The following SLC25A1 variants were observed in gnomAD, a reference collection of about 807,000 sequenced individuals.
The protein encoded by SLC25A1 is tricarboxylate transport protein, mitochondrial.
SLC25A1 carries 26 observed loss-of-function variants against 38.1 expected under a neutral mutation model. The observed-to-expected ratio is 0.68, with a 90% CI of 0.50 to 0.95. The LOEUF is 0.95. Among genes scored for constraint, SLC25A1 ranks in the 40% least tolerant of loss-of-function variants. The pLI is 0.00. For missense variants in SLC25A1, 378 were observed against 426.6 expected (o/e 0.89, Z 1.00); for synonymous variants, 211 against 183.2 (o/e 1.15, Z -1.23).
Position 19,176,268 on chromosome 22 carries a change from G to A in SLC25A1, c.822-24C>T, listed in dbSNP as rs2083958248. ...ATCTGGGTGGGAGGAGGGGCGGGGA[G>A]AGGAAGGCAGGTCAGCACAGTGTCC... On this transcript the variant is annotated intron_variant, in intron 8 of 8. Coordinates refer to ENST00000215882, the MANE Select transcript of SLC25A1 (RefSeq NM_005984.5). 1.9e-6 allele frequency: 3 copies of A among 1,592,326 alleles called. No homozygotes were observed. In the South Asian group the frequency reaches 3.3e-5, roughly 18 times the overall value.
intron 6 of SLC25A1, 45 bp from the exon 7 acceptor site, chr22:19,176,738 G>A (rs988542934): frequency 1.3e-6 from 2 of 1,591,798 alleles, no homozygotes; most frequent in Non-Finnish European, 1.7e-6. Context: ...GCCGGGAGGG[G>A]CCTGGATCAG....
intron 5 of SLC25A1, 79 bp from the exon 6 acceptor site, chr22:19,177,029 T>C (rs2083972428): frequency 6.3e-7 from 1 of 1,583,364 alleles, no homozygotes; most frequent in Admixed American, 1.7e-5. Context: ...GGGGTGGGTG[T>C]TGCACAAAGC....
Position 19,178,302 on chromosome 22 carries a change from C to T in SLC25A1, c.95-62G>A. On this transcript the variant is annotated intron_variant, in intron 1 of 8. Coordinates refer to ENST00000215882, the MANE Select transcript of SLC25A1 (RefSeq NM_005984.5). The surrounding 1 kb of genome is among the most constrained non-coding windows in gnomAD (Gnocchi z 4.9). ...CCGGCCGCTGGCGCTCGGGCCCCTC[C>T]CCCGTCCCGGACTTCGGTCGGCGCG... 1 of 1,534,656 alleles carries T rather than the reference C, an allele frequency of 6.5e-7. No individual in the cohort carries two copies. The highest frequency in any genetic ancestry group is 1.4e-5 in the African/African-American group (1 of 70,860).
At position 19,176,623 on chromosome 22, in the gene SLC25A1, A is replaced by T. The variant is rs1362048319; in HGVS notation, c.702T>A (p.Ser234Arg). The change falls in exon 7 of 9, where the codon AGT becomes AGA. Residue 234 changes from serine (S) to arginine (R), a missense_variant. Transcript: ENST00000215882. ...CATCCAGAGGAGTGTTTCCAAAGAC[A>T]CTGGCTGCGCCTGCAATAGCTCCGA... is the stretch of plus-strand genomic sequence containing the variant. ...GVFGAIAGAA[S>R]VFGNTPLDVI... The T allele has an allele frequency of 6.2e-7, 1 of 1,613,830 alleles. No homozygotes were observed. The highest frequency in any genetic ancestry group is 1.3e-5 in the African/African-American group (1 of 74,916).
chr22:19,176,703 G>A lies in SLC25A1; in HGVS notation c.632-10C>T, dbSNP rs373770171. ...TTGTTGGGGTTGTCCCCTGGATATA[G>A]GAGGGGTGAGGTGGGTCAGAGGGTG... is the stretch of plus-strand genomic sequence containing the variant. On this transcript the variant is annotated splice_polypyrimidine_tract_variant and intron_variant, in intron 6 of 8. Transcript: ENST00000215882. 1.8e-5 allele frequency: 29 copies of A among 1,610,572 alleles called. No homozygotes were observed. The highest frequency in any genetic ancestry group is 1.6e-4 in the Middle Eastern group (1 of 6,072).
intron 4 of SLC25A1, 52 bp downstream of exon 4, chr22:19,177,675 C>T: frequency 6.3e-7 from 1 of 1,597,366 alleles, no homozygotes; most frequent in Non-Finnish European, 8.5e-7. Context: ...AGCGGGGCCG[C>T]CCGTCTCCGT....
rs1017082218 is a variant in SLC25A1 at position 19,175,653 on chromosome 22, G to A, written c.*477C>T. ...TGGTGGGTGCCACCCTGTCCGGGGC[G>A]GAGAGAGGGCCCGAGGGCCAGTTAA... On this transcript the variant is annotated 3_prime_UTR_variant, in exon 9 of 9. Coordinates refer to ENST00000215882, the MANE Select transcript of SLC25A1 (RefSeq NM_005984.5). 6 of 215,904 alleles carry A rather than the reference G, an allele frequency of 2.8e-5. No homozygotes were observed. Among genetic ancestry groups the A allele is most frequent in the African/African-American group, 7.0e-5 (3 of 43,132 alleles). 13.4% of individuals were successfully genotyped at this position (215,904 alleles called of 1,614,324 possible). A position where few individuals can be genotyped will look rare whatever the true frequency, so the allele number is the denominator to read the frequency against.
In SLC25A1 at chr22:19,176,837, C is replaced by T; in HGVS notation, c.631+9G>A. On this transcript the variant is annotated intron_variant, in intron 6 of 8. Transcript: ENST00000215882. ...TGTGCAGAGATGGGGCCCTGTGATG[C>T]AGACACACCTCGGTACCAGTTGCGC... 2 of 1,613,390 alleles carry T rather than the reference C, an allele frequency of 1.2e-6. No individual in the cohort carries two copies. Among genetic ancestry groups the T allele is most frequent in the East Asian group, 4.5e-5 (2 of 44,874 alleles).
At position 19,177,804 on chromosome 22, in the gene SLC25A1, T is replaced by C; in HGVS notation, c.364A>G (p.Thr122Ala). Residue 122 changes from threonine (T) to alanine (A), a missense_variant, in exon 4 of 9, where the codon ACG becomes GCG. By Grantham distance (58) the Thr-to-Ala change is moderately conservative. Coordinates refer to ENST00000215882, the MANE Select transcript of SLC25A1 (RefSeq NM_005984.5). ...MRDAQGRLDS[T>A]RGLLCGLGAG... ...CCCAGGCCGCACAGCAGCCCACGCG[T>C]GCTGTCCAGCCGTCCCTGGGCATCC... The C allele has an allele frequency of 1.2e-6, 2 of 1,610,882 alleles. No homozygotes were observed. Among genetic ancestry groups the C allele is most frequent in the Non-Finnish European group, 1.7e-6 (2 of 1,179,432 alleles).
At position 19,177,151 on chromosome 22, in the gene SLC25A1, G is replaced by A; in HGVS notation, c.495C>T (p.Phe165=). The A allele has an allele frequency of 6.2e-7, 1 of 1,614,094 alleles. No individual in the cohort carries two copies. Among genetic ancestry groups the A allele is most frequent in the Admixed American group, 1.7e-5 (1 of 60,030 alleles). Residue 165 remains phenylalanine, a synonymous_variant, in exon 5 of 9, where the codon TTC becomes TTT. Transcript: ENST00000215882. ...TSPNPKYRGF[F]HGVREIVREQ... is the part of the protein sequence containing the mutation. ...CCCGCACAATCTCCCTAACCCCGTG[G>A]AAGAATCCTCTGTACTTGGGGTTTG...
Position 19,176,631 on chromosome 22 carries a change from C to G in SLC25A1, c.694G>C (p.Ala232Pro), listed in dbSNP as rs782258354. ...ITGVFGAIAG[A>P]ASVFGNTPLD... ...GGAGTGTTTCCAAAGACACTGGCTG[C>G]GCCTGCAATAGCTCCGAAGACCCCA... The change falls in exon 7 of 9, where the codon GCA (alanine) becomes CCA (proline). Residue 232 changes from alanine to proline, a missense_variant. Ala to Pro is a conservative substitution (Grantham distance 27). Coordinates refer to ENST00000215882, the MANE Select transcript of SLC25A1 (RefSeq NM_005984.5). 1 of 1,613,842 alleles carries G rather than the reference C, an allele frequency of 6.2e-7. No homozygotes were observed. Among genetic ancestry groups the G allele is most frequent in the Non-Finnish European group, 8.5e-7 (1 of 1,180,024 alleles).
At position 19,178,097 on chromosome 22, in the gene SLC25A1, C is replaced by T; in HGVS notation, c.202+36G>A. 2 of 1,533,466 alleles carry T rather than the reference C, an allele frequency of 1.3e-6. No individual in the cohort carries two copies. Among genetic ancestry groups the T allele is most frequent in the Non-Finnish European group, 8.8e-7 (1 of 1,140,576 alleles). The allele number at this position is 1,533,466 out of a possible 1,614,324, so 95.0% of individuals were successfully genotyped here. On this transcript the variant is annotated intron_variant, in intron 2 of 8. Transcript: ENST00000215882. The surrounding 1 kb of genome is among the most constrained non-coding windows in gnomAD (Gnocchi z 4.9). ...CCCTCGGTGCCGCCGCCCTGGGTAC[C>T]CGCCCCCCGCGGCGCCGCGGCCTCC...
Position 19,178,022 on chromosome 22 carries a change from CG to C in SLC25A1, c.221del (p.Thr74ArgfsTer75). 1 of 1,596,990 alleles carries C rather than the reference CG, an allele frequency of 6.3e-7. No homozygotes were observed. On this transcript the variant is annotated frameshift_variant, in exon 3 of 9. Coordinates refer to ENST00000215882, the MANE Select transcript of SLC25A1 (RefSeq NM_005984.5). LOFTEE classifies it high-confidence loss of function. This position sits in a 1 kb window ranked among gnomAD's most constrained non-coding sequence, Gnocchi z 4.9. ...YRGIGDCVRQ[T>X]VRSHGVLGLY... Reference sequence around the variant, plus strand: ...GGCCCAGGACGCCATGGCTGCGAACCGTCTGCCGCACGCAGTCCCCTGGGGG... The same window carrying C: ...GGCCCAGGACGCCATGGCTGCGAACCTCTGCCGCACGCAGTCCCCTGGGGG...
rs148216577 is a variant in SLC25A1 at position 19,176,139 on chromosome 22, C to T, written c.927G>A (p.Lys309=). The change falls in exon 9 of 9, where the codon AAG becomes AAA. Residue 309 remains lysine, a synonymous_variant. Transcript: ENST00000215882. ...TGCGGCCTCTCTAGGCTTAGTCCGT[C>T]TTCCACACTTTGTTGAGCAGCTTCA... ...EVVKLLNKVW[K]TD is the part of the protein sequence containing the mutation. 7.3e-5 allele frequency: 117 copies of T among 1,613,744 alleles called. 1 individual carries two copies. Among genetic ancestry groups the T allele is most frequent in the Middle Eastern group, 3.3e-4 (2 of 6,032 alleles).
chr22:19,176,495 C>G lies in SLC25A1; in HGVS notation c.748-1G>C, dbSNP rs1555922327. ...TCCGGTATTTGTGCGCCTCCAGGCC[C>G]TATGGGGGACATCAGCAGGCAGGGG... On this transcript the variant is annotated splice_acceptor_variant, in intron 7 of 8. Coordinates refer to ENST00000215882, the MANE Select transcript of SLC25A1 (RefSeq NM_005984.5). LOFTEE classifies it high-confidence loss of function. 1 of 1,613,842 alleles carries G rather than the reference C, an allele frequency of 6.2e-7. No homozygotes were observed. The highest frequency in any genetic ancestry group is 1.1e-5 in the South Asian group (1 of 91,090).
rs782353548 is a variant in SLC25A1 at position 19,176,620 on chromosome 22, G to C, written c.705C>G (p.Val235=). ...VFGAIAGAAS[V]FGNTPLDVIK... is the part of the protein sequence containing the mutation. ...TCACATCCAGAGGAGTGTTTCCAAA[G>C]ACACTGGCTGCGCCTGCAATAGCTC... The change falls in exon 7 of 9, where the codon GTC becomes GTG. Residue 235 remains valine (V), a synonymous_variant. Transcript: ENST00000215882. The C allele has an allele frequency of 6.2e-6, 10 of 1,613,882 alleles. No individual in the cohort carries two copies. The highest frequency in any genetic ancestry group is 2.2e-5 in the East Asian group (1 of 44,884).
intron 3 of SLC25A1, 22 bp downstream of exon 3, chr22:19,177,920 G>T: frequency 6.3e-7 from 1 of 1,585,514 alleles, no homozygotes; most frequent in Non-Finnish European, 8.6e-7. Flanking sequence ...CCCTCCCGCA[G>T]CAGCCACCGG....
chr22:19,175,910 T>C lies in SLC25A1; in HGVS notation c.*220A>G, dbSNP rs2083951854. ...CACAGGGTCATAGGCCAGATGCACA[T>C]CCAGCCATGGCTGGGCCAGACACTG... On this transcript the variant is annotated 3_prime_UTR_variant, in exon 9 of 9. Coordinates refer to ENST00000215882, the MANE Select transcript of SLC25A1 (RefSeq NM_005984.5). 5.0e-5 allele frequency: 7 copies of C among 139,388 alleles called. 1 individual carries two copies. In the South Asian group the frequency reaches 5.3e-4, roughly 11 times the overall value. 8.6% of individuals were successfully genotyped at this position (139,388 alleles called of 1,614,324 possible).
Position 19,178,649 on chromosome 22 carries a change from C to CGCGCGGG in SLC25A1, c.18_24dup (p.Ala9ProfsTer82), listed in dbSNP as rs1345028760. 5.6e-5 allele frequency: 66 copies of CGCGCGGG among 1,174,134 alleles called. No homozygotes were observed. The highest frequency in any genetic ancestry group is 6.8e-5 in the Non-Finnish European group (65 of 951,206). The allele number at this position is 1,174,134 out of a possible 1,614,324, so 72.7% of individuals were successfully genotyped here. ...GACGCGGGCGCGGCGGCCGCCAGAG[C>CGCGCGGG]GCGCGGGGCGCGGGGCGCGGGCATG... On this transcript the variant is annotated frameshift_variant, in exon 1 of 9. Coordinates refer to ENST00000215882, the MANE Select transcript of SLC25A1 (RefSeq NM_005984.5). LOFTEE classifies it high-confidence loss of function. This position sits in a 1 kb window ranked among gnomAD's most constrained non-coding sequence, Gnocchi z 4.9.
Sources: allele counts gnomAD v4.1 joint callset, GRCh38; gene constraint gnomAD v4.1.1; non-coding constraint Gnocchi (gnomAD v3.1); transcripts MANE v1.5; gene names NCBI Gene and HGNC (gene_info 2026-07-23, HGNC 2026-07-21).